CD28: variants seen among roughly 807,000 people sequenced by gnomAD.
CD28 encodes T-cell-specific surface glycoprotein CD28.
CD28 carries 8 observed loss-of-function variants against 21.4 expected under a neutral mutation model. That is an observed-to-expected ratio of 0.37 (90% CI 0.22 to 0.68). The LOEUF (loss-of-function observed/expected upper bound fraction) is 0.68. Among genes scored for constraint, CD28 ranks in the 30% least tolerant of loss-of-function variants. The pLI is 0.55. For missense variants in CD28, 239 were observed against 272.2 expected, an observed-to-expected ratio of 0.88 and a Z score of 0.86; for synonymous variants, 106 against 104.0, an observed-to-expected ratio of 1.02 and a Z score of -0.12.
chr2:203,730,289 G>A (rs1173081227), intron 3 of CD28, among the ~76,000 whole-genome samples: 1 of 152,080 alleles, frequency 6.6e-6, no homozygotes, highest in Non-Finnish European at 1.5e-5. Flanking sequence ...AATTGTGTGA[G>A]GCCAAGTATG....
chr2:203,730,255 T>C (rs1459448747), intron 3 of CD28, among the ~76,000 whole-genome samples: 3 of 152,190 alleles, frequency 2.0e-5, no homozygotes, highest in Admixed American at 2.0e-4. Context: ...GAGTCATATT[T>C]TTTTTTCTCC....
chr2:203,734,916 G>A lies in CD28; in HGVS notation c.*4G>A, dbSNP rs199912903. ...CTTCGCAGCCTATCGCTCCTGACAC[G>A]GACGCCTATCCAGAAGCCAGCCGGC... On this transcript the variant is annotated 3_prime_UTR_variant, in exon 4 of 4. Coordinates refer to ENST00000324106, the MANE Select transcript of CD28 (RefSeq NM_006139.4). The A allele has an allele frequency of 6.3e-5, 101 of 1,613,598 alleles. No homozygotes were observed. Among genetic ancestry groups the A allele is most frequent in the East Asian group, 8.9e-5 (4 of 44,886 alleles).
rs763121398 is a variant in CD28 at position 203,726,823 on chromosome 2, A to G, written c.243A>G (p.Lys81=). The G allele has an allele frequency of 2.5e-6, 4 of 1,614,214 alleles. No individual in the cohort carries two copies. In the East Asian group the frequency reaches 8.9e-5, roughly 36 times the overall value. Residue 81 remains lysine (K), a synonymous_variant, in exon 2 of 4, where the codon AAA becomes AAG. Transcript: ENST00000324106. ...CCCAGCAGCTTCAGGTTTACTCAAA[A>G]ACGGGGTTCAACTGTGATGGGAAAT... The part of the protein sequence containing the change: ...NYSQQLQVYS[K]TGFNCDGKLG...
intron 1 of CD28, among the ~76,000 whole-genome samples, chr2:203,721,550 A>G (rs570896804): frequency 6.7e-6 from 1 of 149,962 alleles, no homozygotes; most frequent in South Asian, 2.1e-4. Flanking sequence ...CCAAACACAC[A>G]CTCTCCCACC....
At chr2:203,707,388 T>G (rs1037786038) in intron 1 of CD28, among the ~76,000 whole-genome samples, 2 of 152,040 alleles carry the variant, frequency 1.3e-5, no homozygotes, top group African/African-American at 4.8e-5. Flanking sequence ...TGAGGTAAAA[T>G]GAAATAATCC....
chr2:203,716,700 T>C (rs1189973190), intron 1 of CD28, among the ~76,000 whole-genome samples: 1 of 152,220 alleles, frequency 6.6e-6, no homozygotes. Flanking sequence ...GACAGTTACA[T>C]GTAGCACAAT....
At position 203,737,165 on chromosome 2, in the gene CD28, G is replaced by GAGTAGGA. The variant is rs1694059658; in HGVS notation, c.*2255_*2261dup. The GAGTAGGA allele has an allele frequency of 1.3e-5, 2 of 152,072 alleles. No homozygotes were observed. Among genetic ancestry groups the GAGTAGGA allele is most frequent in the Admixed American group, 1.3e-4 (2 of 15,266 alleles). The allele number at this position is 152,072 out of a possible 1,614,324, so 9.4% of individuals were successfully genotyped here. On this transcript the variant is annotated 3_prime_UTR_variant, in exon 4 of 4. Coordinates refer to ENST00000324106, the MANE Select transcript of CD28 (RefSeq NM_006139.4). ...TTTTTTAATGTGAGAAGGAAGGGAG[G>GAGTAGGA]AGTAGGAATCTTGAGATTCCAGATC...
At chr2:203,724,972 A>T (rs1204296400) in intron 1 of CD28, among the ~76,000 whole-genome samples, 1 of 152,202 alleles carries the variant, frequency 6.6e-6, no homozygotes, top group Non-Finnish European at 1.5e-5. Flanking sequence ...TGAATCAAAG[A>T]CACAAAGTGG....
At chr2:203,732,457 A>G (rs939977627) in intron 3 of CD28, among the ~76,000 whole-genome samples, 1 of 152,184 alleles carries the variant, frequency 6.6e-6, no homozygotes, top group African/African-American at 2.4e-5. Context: ...CCCACTGCAG[A>G]TCATAATGTG....
Position 203,730,911 on chromosome 2 carries a change from G to A in CD28, c.534+1139G>A, listed in dbSNP as rs949511439. Among the ~76,000 whole-genome samples, 18 of 152,272 alleles carry A rather than the reference G, an allele frequency of 1.2e-4. No homozygotes were observed. In the South Asian group the frequency reaches 3.7e-3, roughly 32 times the overall value. ...TGTTTACTGTCAGCTTGGTGACTGC[G>A]GGTACAGACCTGGATCCACAGCCAT... On this transcript the variant is annotated intron_variant, in intron 3 of 3. Transcript: ENST00000324106.
Position 203,706,757 on chromosome 2 carries a change from T to A in CD28, c.52+9T>A. The stretch of plus-strand genomic sequence containing the variant: ...TTCAATTCAAGTAACAGGTAAACAA[T>A]GTTAATGTCTTTCTTTCTGTAAATA... On this transcript the variant is annotated intron_variant, in intron 1 of 3. Coordinates refer to ENST00000324106, the MANE Select transcript of CD28 (RefSeq NM_006139.4). 1 of 1,582,578 alleles carries A rather than the reference T, an allele frequency of 6.3e-7. No homozygotes were observed. Among genetic ancestry groups the A allele is most frequent in the Non-Finnish European group, 8.7e-7 (1 of 1,151,274 alleles).
rs748721658 is a variant in CD28, at chr2:203,706,726, A to G, written c.30A>G (p.Leu10=). Residue 10 remains leucine (L), a synonymous_variant, in exon 1 of 4, where the codon TTA becomes TTG. Transcript: ENST00000324106. ...TCAGGCTGCTCTTGGCTCTCAACTT[A>G]TTCCCTTCAATTCAAGTAACAGGTA... MLRLLLALN[L]FPSIQVTGNK... The G allele has an allele frequency of 3.1e-6, 5 of 1,613,400 alleles. No individual in the cohort carries two copies. The African/African-American group carries it at 6.7e-5, about 22-fold the overall frequency.
At chr2:203,730,060 A>G (rs901990346) in intron 3 of CD28, among the ~76,000 whole-genome samples, 9 of 152,106 alleles carry the variant, frequency 5.9e-5, no homozygotes, top group Non-Finnish European at 8.8e-5. Flanking sequence ...TCTTCTCCCC[A>G]TTTTGCAATA....
At chr2:203,722,311 GAAAC>G (rs1378553620) in intron 1 of CD28, among the ~76,000 whole-genome samples, 1 of 152,120 alleles carries the variant, frequency 6.6e-6, no homozygotes, top group East Asian at 1.9e-4. Flanking sequence ...GTAAAAAAAG[GAAAC>G]AAACAAAATA....
intron 3 of CD28, 42 bp downstream of exon 3, chr2:203,729,814 A>T (rs375281315): frequency 6.3e-6 from 10 of 1,599,128 alleles, no homozygotes; most frequent in Non-Finnish European, 8.5e-6. Flanking sequence ...TTTCCACTGC[A>T]CATGAAATCT....
chr2:203,716,903 T>G (rs556234324), intron 1 of CD28, among the ~76,000 whole-genome samples: 76 of 152,152 alleles, frequency 5.0e-4, no homozygotes, highest in Non-Finnish European at 7.5e-4. Flanking sequence ...CAATCACCAC[T>G]CACTGCAGCC....
intron 1 of CD28, among the ~76,000 whole-genome samples, chr2:203,716,539 G>A (rs1693466892): frequency 6.6e-6 from 1 of 152,146 alleles, no homozygotes; most frequent in Non-Finnish European, 1.5e-5. Context: ...GAATACCAAA[G>A]GACGATTCTG....
intron 1 of CD28, among the ~76,000 whole-genome samples, chr2:203,723,583 T>C (rs1316762937): frequency 6.6e-6 from 1 of 151,928 alleles, no homozygotes; most frequent in African/African-American, 2.4e-5. Flanking sequence ...GGGCAAATGA[T>C]CTGAATAGAG....
chr2:203,735,032 A>C lies in CD28; in HGVS notation c.*120A>C. 3 of 1,212,506 alleles carry C rather than the reference A, an allele frequency of 2.5e-6. No homozygotes were observed. Among genetic ancestry groups the C allele is most frequent in the South Asian group, 1.5e-5 (1 of 68,176 alleles). 75.1% of individuals were successfully genotyped at this position (1,212,506 alleles called of 1,614,324 possible). On this transcript the variant is annotated 3_prime_UTR_variant, in exon 4 of 4. Coordinates refer to ENST00000324106, the MANE Select transcript of CD28 (RefSeq NM_006139.4). ...ACCTCAGGCCCCTGTTGGGCCACCA[A>C]TGCCAATTTTTCTCGAGTGACTAGA... is the stretch of plus-strand genomic sequence containing the variant.
Sources: gnomAD v4.1 joint callset for allele counts (sites outside exome capture counted in the v4.1 genomes callset) on GRCh38, gnomAD v4.1.1 for gene constraint, MANE v1.5 for transcripts, NCBI Gene and HGNC (gene_info 2026-07-23, HGNC 2026-07-21) for gene names.